Variants in CCDC146 observed in about 807,000 individuals in gnomAD.
The protein encoded by CCDC146 is coiled-coil domain containing 146.
A neutral mutation model predicts 119.3 loss-of-function variants in CCDC146; 92 were observed. That is an observed-to-expected ratio of 0.77 (90% CI 0.65 to 0.92). The LOEUF (loss-of-function observed/expected upper bound fraction) is 0.92, where lower values mean the gene tolerates loss of function less well. Ranked by LOEUF, CCDC146 falls within the 40% of genes least tolerant of loss-of-function variation. The pLI is 0.00. For synonymous variants in CCDC146, 372 were observed against 371.8 expected (o/e 1.00, Z -0.01); for missense variants, 1,000 against 1,103.0 (o/e 0.91, Z 1.32).
At chr7:77,245,774 A>T (rs1363374949) in intron 4 of CCDC146, among the ~76,000 whole-genome samples, 2 of 152,138 alleles carry the variant, frequency 1.3e-5, no homozygotes, top group African/African-American at 4.8e-5. Flanking sequence ...ACACATCTGG[A>T]ATTCCAGAAA....
intron 8 of CCDC146, 86 bp downstream of exon 8, chr7:77,260,322 TGA>T (rs1454073385): frequency 3.4e-5 from 31 of 898,940 alleles, no homozygotes; most frequent in Admixed American, 3.1e-4. Context: ...ACTTTGGTGT[TGA>T]GTTAATAAAT....
At chr7:77,254,408 A>G in intron 4 of CCDC146, 98 bp from the exon 5 acceptor site, 3 of 676,546 alleles carry the variant, frequency 4.4e-6, no homozygotes, top group Non-Finnish European at 7.4e-6. Context: ...GCCGACAAGC[A>G]TGGGAATGAC....
Position 77,196,337 on chromosome 7 carries a change from T to C in CCDC146, c.156+28513T>C. The stretch of plus-strand genomic sequence containing the variant: ...CTTAGCCTCTTTGAAGGAGGACTTG[T>C]AGCCACCAGGGTGTGCCTCACTTAC... On this transcript the variant is annotated intron_variant, in intron 2 of 18. Transcript: ENST00000285871. The surrounding 1 kb of genome is among the most constrained non-coding windows in gnomAD (Gnocchi z 4.2). 1.2e-6 allele frequency: 2 copies of C among 1,614,146 alleles called. No homozygotes were observed. Among genetic ancestry groups the C allele is most frequent in the Non-Finnish European group, 1.7e-6 (2 of 1,180,020 alleles).
chr7:77,174,962 C>A (rs1324923792), intron 2 of CCDC146, among the ~76,000 whole-genome samples: 1 of 152,098 alleles, frequency 6.6e-6, no homozygotes, highest in Non-Finnish European at 1.5e-5. Flanking sequence ...AGACGTTGAA[C>A]CAGCATACAC....
intron 2 of CCDC146, among the ~76,000 whole-genome samples, chr7:77,171,031 T>G (rs956090548): frequency 6.6e-6 from 1 of 152,224 alleles, no homozygotes; most frequent in Non-Finnish European, 1.5e-5. Flanking sequence ...TCTGTCAAAA[T>G]CCATCATATG....
intron 2 of CCDC146, among the ~76,000 whole-genome samples, chr7:77,208,475 G>A (rs1335445922): frequency 6.6e-6 from 1 of 152,074 alleles, no homozygotes; most frequent in East Asian, 1.9e-4. Flanking sequence ...TGGTATTTGT[G>A]TATCTAAAAA....
At chr7:77,239,968 G>A (rs1792812990) in intron 3 of CCDC146, among the ~76,000 whole-genome samples, 1 of 152,160 alleles carries the variant, frequency 6.6e-6, no homozygotes, top group Non-Finnish European at 1.5e-5. Flanking sequence ...GTCCAATTTA[G>A]AATCAGAAAT....
intron 1 of CCDC146, among the ~76,000 whole-genome samples, chr7:77,136,173 G>A (rs1790857813): frequency 6.6e-6 from 1 of 152,172 alleles, no homozygotes; most frequent in Admixed American, 6.5e-5. Flanking sequence ...AGTATTGAAT[G>A]CATATTTTAG....
intron 9 of CCDC146, among the ~76,000 whole-genome samples, chr7:77,267,285 G>A (rs1369687938): frequency 3.9e-5 from 6 of 152,074 alleles, no homozygotes; most frequent in East Asian, 3.9e-4. Context: ...GAGCCATCGC[G>A]CCTGGCCCAA....
chr7:77,204,384 A>G (rs1792048069), intron 2 of CCDC146, among the ~76,000 whole-genome samples: 1 of 152,226 alleles, frequency 6.6e-6, no homozygotes, highest in African/African-American at 2.4e-5. Context: ...TTTTGGTTAA[A>G]GCTAGAATAA....
intron 3 of CCDC146, among the ~76,000 whole-genome samples, chr7:77,238,566 G>A (rs915044699): frequency 1.3e-5 from 2 of 152,004 alleles, no homozygotes; most frequent in African/African-American, 2.4e-5. Context: ...ACAGGAGCCC[G>A]CCACCACACC....
chr7:77,156,457 G>GA (rs11369587), intron 1 of CCDC146, among the ~76,000 whole-genome samples: 32 of 148,746 alleles, frequency 2.2e-4, no homozygotes, highest in African/African-American at 6.6e-4. Context: ...TTCCTTTTAG[G>GA]AAAAAAAAAA....
At chr7:77,161,567 C>T (rs978087088) in intron 1 of CCDC146, among the ~76,000 whole-genome samples, 1 of 144,424 alleles carries the variant, frequency 6.9e-6, no homozygotes, top group East Asian at 2.0e-4. Context: ...TATTCTCACT[C>T]ATAGGTTGGA....
chr7:77,253,449 G>C (rs898152043), intron 4 of CCDC146, among the ~76,000 whole-genome samples: 1 of 152,234 alleles, frequency 6.6e-6, no homozygotes, highest in Non-Finnish European at 1.5e-5. Flanking sequence ...GGATGTAGAA[G>C]AATGTGGTGC....
At chr7:77,217,954 A>G (rs1188403318) in intron 2 of CCDC146, among the ~76,000 whole-genome samples, 1 of 152,196 alleles carries the variant, frequency 6.6e-6, no homozygotes, top group East Asian at 1.9e-4. Flanking sequence ...GCTCAGAGTG[A>G]GTCAGTGAGT....
At chr7:77,171,678 C>T (rs1791424167) in intron 2 of CCDC146, among the ~76,000 whole-genome samples, 1 of 152,254 alleles carries the variant, frequency 6.6e-6, no homozygotes, top group Non-Finnish European at 1.5e-5. Context: ...GCCTGCCCAT[C>T]AGGGCTCTTC....
At chr7:77,193,697 T>TC (rs1455833685) in intron 2 of CCDC146, 8 of 152,104 alleles carry the variant, frequency 5.3e-5, no homozygotes, top group African/African-American at 1.9e-4. Flanking sequence ...GATTTTTTTT[T>TC]CCCCTCAGTC....
At chr7:77,282,466 A>G (rs768014236) in intron 14 of CCDC146, 91 bp from the exon 15 acceptor site, 7 of 762,094 alleles carry the variant, frequency 9.2e-6, no homozygotes, top group Non-Finnish European at 1.3e-5. Context: ...TGTTGTGTAT[A>G]TCTTGCATCC....
intron 9 of CCDC146, among the ~76,000 whole-genome samples, chr7:77,272,426 A>G (rs537218332): frequency 6.6e-6 from 1 of 152,352 alleles, no homozygotes; most frequent in East Asian, 1.9e-4. Flanking sequence ...AGTGACTTTA[A>G]CATAGCAGCA....
Sources: gnomAD v4.1 joint callset for allele counts (sites outside exome capture counted in the v4.1 genomes callset) on GRCh38, gnomAD v4.1.1 for gene constraint, Gnocchi (gnomAD v3.1) non-coding constraint, MANE v1.5 for transcripts, NCBI Gene and HGNC (gene_info 2026-07-23, HGNC 2026-07-21) for gene names.